VPS13B: variants seen among roughly 807,000 people sequenced by gnomAD.
VPS13B encodes intermembrane lipid transfer protein VPS13B.
In VPS13B, 285 loss-of-function variants were observed where a neutral mutation model predicts 426.4. The ratio of observed to expected loss-of-function variants is 0.67; its 90% CI spans 0.61 to 0.74. VPS13B has a LOEUF of 0.74. Among genes scored for constraint, VPS13B ranks in the 30% least tolerant of loss-of-function variants. The probability of loss-of-function intolerance (pLI) is 0.00; values close to 1 mark genes in which losing one functional copy is unlikely to be tolerated. For synonymous variants in VPS13B, 1,676 were observed against 1,676.4 expected (o/e 1.00, Z 0.01); for missense variants, 4,537 against 4,782.6 (o/e 0.95, Z 1.51).
At chr8:99,203,619 G>A (rs930729540) in intron 17 of VPS13B, among the ~76,000 whole-genome samples, 7 of 152,120 alleles carry the variant, frequency 4.6e-5, no homozygotes, top group South Asian at 2.1e-4. Flanking sequence ...AAACCCCATC[G>A]TCTCAGCCCA....
chr8:99,576,830 C>A (rs971161194), intron 32 of VPS13B, among the ~76,000 whole-genome samples: 4 of 152,196 alleles, frequency 2.6e-5, no homozygotes, highest in African/African-American at 9.6e-5. Flanking sequence ...TGGACATCTA[C>A]CCAATGCTGC....
At chr8:99,728,884 A>G (rs1361468999) in intron 39 of VPS13B, among the ~76,000 whole-genome samples, 1 of 152,254 alleles carries the variant, frequency 6.6e-6, no homozygotes, top group Non-Finnish European at 1.5e-5. Flanking sequence ...AATGGAAGAT[A>G]GGAACCCAGG....
At chr8:99,406,674 C>T (rs1815347756) in intron 21 of VPS13B, among the ~76,000 whole-genome samples, 1 of 152,154 alleles carries the variant, frequency 6.6e-6, no homozygotes, top group Non-Finnish European at 1.5e-5. Flanking sequence ...TACCTCTAGT[C>T]AGTGTTCTCC....
At chr8:99,141,014 GTAGA>G (rs1411632840) in intron 12 of VPS13B, among the ~76,000 whole-genome samples, 1 of 152,098 alleles carries the variant, frequency 6.6e-6, no homozygotes, top group Non-Finnish European at 1.5e-5. Flanking sequence ...GGACCCTAAA[GTAGA>G]TAGCTGAAAT....
intron 30 of VPS13B, among the ~76,000 whole-genome samples, chr8:99,552,653 A>T (rs535925284): frequency 1.3e-5 from 2 of 151,644 alleles, no homozygotes; most frequent in African/African-American, 4.8e-5. Context: ...CCATTTCTAC[A>T]TGAGCATAAG....
chr8:99,074,462 C>T (rs1195076368), intron 3 of VPS13B, among the ~76,000 whole-genome samples: 2 of 149,688 alleles, frequency 1.3e-5, no homozygotes, highest in South Asian at 2.1e-4. Context: ...GAGCCGAGAT[C>T]GCACCACTGC....
chr8:99,782,346 A>T (rs1161409283), intron 42 of VPS13B, among the ~76,000 whole-genome samples: 2 of 152,116 alleles, frequency 1.3e-5, no homozygotes, highest in Admixed American at 1.3e-4. Flanking sequence ...AACTGTAAAG[A>T]CGTGGTTGCT....
intron 21 of VPS13B, among the ~76,000 whole-genome samples, chr8:99,407,006 G>A (rs13279371): frequency 0.06 from 9,192 of 152,204 alleles, 394 homozygotes; most frequent in Non-Finnish European, 0.095. Context: ...GTTGAACAGA[G>A]TTTCAGAGAA....
intron 19 of VPS13B, 35 bp downstream of exon 19, chr8:99,275,289 C>CTTTTT: frequency 1.7e-6 from 2 of 1,195,380 alleles, no homozygotes; most frequent in Non-Finnish European, 1.1e-6. Context: ...CCTTGTTTTG[C>CTTTTT]TTTTTTTTTT....
intron 5 of VPS13B, among the ~76,000 whole-genome samples, chr8:99,106,191 G>A (rs1428282340): frequency 6.6e-6 from 1 of 151,736 alleles, no homozygotes; most frequent in Non-Finnish European, 1.5e-5. Flanking sequence ...CAGCATTTTG[G>A]GAGGCTGAGG....
chr8:99,636,452 G>A (rs1405088453), intron 33 of VPS13B, among the ~76,000 whole-genome samples: 1 of 151,762 alleles, frequency 6.6e-6, no homozygotes, highest in Non-Finnish European at 1.5e-5. Context: ...TCATTATCAT[G>A]CCAGATATCT....
Position 99,778,965 on chromosome 8 carries a change from T to G in VPS13B, c.7713T>G (p.Ser2571=). The G allele has an allele frequency of 2.5e-6, 4 of 1,613,998 alleles. No homozygotes were observed. Among genetic ancestry groups the G allele is most frequent in the Non-Finnish European group, 3.4e-6 (4 of 1,179,886 alleles). Residue 2571 remains serine, a synonymous_variant, in exon 42 of 62, where the codon TCT becomes TCG. Transcript: ENST00000357162. ...TTGACTGCACCGTGATAGTTGATTC[T>G]GTATTTGTAAACCTTGGACAGCATG... ...KLLDCTVIVD[S]VFVNLGQHVV...
chr8:99,508,757 G>A (rs1370724191), intron 28 of VPS13B, among the ~76,000 whole-genome samples: 3 of 151,626 alleles, frequency 2.0e-5, no homozygotes, highest in African/African-American at 7.3e-5. Flanking sequence ...TAAATTAAAT[G>A]CCATTTAAAA....
intron 3 of VPS13B, among the ~76,000 whole-genome samples, chr8:99,089,639 G>T (rs1302855502): frequency 2.6e-5 from 4 of 152,118 alleles, no homozygotes; most frequent in African/African-American, 9.7e-5. Context: ...TTCAGATAAG[G>T]GATTGTGGAG....
chr8:99,640,763 AATTTGTCCCT>A lies in VPS13B; in HGVS notation c.5221-1045_5221-1036del, dbSNP rs535824892. On this transcript the variant is annotated intron_variant, in intron 33 of 61. Coordinates refer to ENST00000357162, the MANE Select transcript of VPS13B (RefSeq NM_152564.5). ...TTAGCATGTCAACATTTGAGTTATCAATTTGTCCCTATGGTATCATTACAACCATAAAGGG... is the reference window on the plus strand; with the variant it reads ...TTAGCATGTCAACATTTGAGTTATCAATGGTATCATTACAACCATAAAGGG... 2.9e-3 allele frequency among the ~76,000 whole-genome samples: 440 copies of A among 152,336 alleles called. 4 individuals are homozygous for A. Among genetic ancestry groups the A allele is most frequent in the African/African-American group, 1.0e-2 (414 of 41,582 alleles).
At chr8:99,818,384 T>C in intron 45 of VPS13B, 67 bp from the exon 46 acceptor site, 1 of 1,408,956 alleles carries the variant, frequency 7.1e-7, no homozygotes, top group African/African-American at 1.4e-5. Flanking sequence ...GATGTATCTG[T>C]GCCTTATTTT....
intron 19 of VPS13B, among the ~76,000 whole-genome samples, chr8:99,323,971 G>A (rs1358752395): frequency 6.6e-6 from 1 of 152,164 alleles, no homozygotes; most frequent in Non-Finnish European, 1.5e-5. Flanking sequence ...AACTGGCAAA[G>A]GACTCCCAGC....
chr8:99,110,471 C>T (rs1218046688), intron 5 of VPS13B, among the ~76,000 whole-genome samples: 1 of 152,044 alleles, frequency 6.6e-6, no homozygotes, highest in East Asian at 1.9e-4. Flanking sequence ...GTGGTGTCCA[C>T]TAGACCTTTC....
chr8:99,187,733 G>T (rs1470614945), intron 16 of VPS13B, among the ~76,000 whole-genome samples: 1 of 152,098 alleles, frequency 6.6e-6, no homozygotes, highest in Non-Finnish European at 1.5e-5. Flanking sequence ...CTTTGGGAGG[G>T]TGAGGCAGGA....
Sources: allele counts gnomAD v4.1 joint callset (sites outside exome capture counted in the v4.1 genomes callset), GRCh38; gene constraint gnomAD v4.1.1; transcripts MANE v1.5; gene names NCBI Gene and HGNC (gene_info 2026-07-23, HGNC 2026-07-21).